Variants in MACROD2 observed in about 807,000 individuals in gnomAD.
The protein encoded by MACROD2 is ADP-ribose glycohydrolase MACROD2.
A neutral mutation model predicts 70.4 loss-of-function variants in MACROD2; 36 were observed. The ratio of observed to expected loss-of-function variants is 0.51; its 90% CI spans 0.39 to 0.68. The LOEUF is 0.68. Ranked by LOEUF, MACROD2 falls within the 30% of genes least tolerant of loss-of-function variation. MACROD2 has a pLI of 0.00. For missense variants in MACROD2, 496 were observed against 538.4 expected, an observed-to-expected ratio of 0.92 and a Z score of 0.78; for synonymous variants, 172 against 178.8, an observed-to-expected ratio of 0.96 and a Z score of 0.30.
chr20:15,617,461 A>G (rs903005889), intron 8 of MACROD2, among the ~76,000 whole-genome samples: 2 of 152,228 alleles, frequency 1.3e-5, no homozygotes, highest in African/African-American at 4.8e-5. Context: ...TCATCCAACA[A>G]TGGCTAATAG....
intron 8 of MACROD2, among the ~76,000 whole-genome samples, chr20:15,748,762 T>C (rs2051224051): frequency 6.6e-6 from 1 of 152,100 alleles, no homozygotes; most frequent in Non-Finnish European, 1.5e-5. Context: ...AGAAGTCTGA[T>C]CTGAATAAAT....
At chr20:14,607,881 G>T (rs1314050467) in intron 4 of MACROD2, among the ~76,000 whole-genome samples, 1 of 152,082 alleles carries the variant, frequency 6.6e-6, no homozygotes. Flanking sequence ...GACTGGAGAA[G>T]AAAACAAAAT....
At chr20:15,900,957 C>G (rs1006692211) in intron 10 of MACROD2, among the ~76,000 whole-genome samples, 3 of 152,190 alleles carry the variant, frequency 2.0e-5, no homozygotes, top group African/African-American at 7.2e-5. Flanking sequence ...ATTGAGTAGA[C>G]AGAAGAGCTG....
intron 5 of MACROD2, among the ~76,000 whole-genome samples, chr20:15,041,136 A>T (rs2075353135): frequency 1.3e-5 from 2 of 152,216 alleles, no homozygotes; most frequent in African/African-American, 4.8e-5. Flanking sequence ...GAAAATTTGA[A>T]TCTGCTAGTT....
chr20:14,875,787 G>T (rs1013113662), intron 5 of MACROD2, among the ~76,000 whole-genome samples: 1 of 152,036 alleles, frequency 6.6e-6, no homozygotes, highest in Non-Finnish European at 1.5e-5. Flanking sequence ...ACCTCTAGTT[G>T]CATCCATGTT....
At chr20:16,022,054 T>C (rs924260366) in intron 15 of MACROD2, among the ~76,000 whole-genome samples, 5 of 145,036 alleles carry the variant, frequency 3.4e-5, no homozygotes, top group African/African-American at 1.3e-4. Context: ...TTTCTTTTTT[T>C]TTTTTTTTTT....
chr20:14,698,511 T>C (rs1352101535), intron 5 of MACROD2, among the ~76,000 whole-genome samples: 1 of 152,114 alleles, frequency 6.6e-6, no homozygotes. Flanking sequence ...TTATCTAAAA[T>C]GTCACCTCTT....
chr20:14,916,882 T>C (rs1475418481), intron 5 of MACROD2, among the ~76,000 whole-genome samples: 4 of 152,088 alleles, frequency 2.6e-5, no homozygotes, highest in Non-Finnish European at 5.9e-5. Context: ...AATATATCTT[T>C]TTCATGGACC....
intron 6 of MACROD2, among the ~76,000 whole-genome samples, chr20:15,413,404 T>G (rs1166182344): frequency 4.6e-5 from 7 of 152,212 alleles, no homozygotes; most frequent in Non-Finnish European, 7.3e-5. Context: ...CCGAAGTTAT[T>G]GATTAGTAGC....
intron 3 of MACROD2, among the ~76,000 whole-genome samples, chr20:14,353,792 A>G (rs1403119609): frequency 6.6e-6 from 1 of 152,138 alleles, no homozygotes; most frequent in Non-Finnish European, 1.5e-5. Context: ...ACATTCTTTC[A>G]TGTTTCATTG....
chr20:14,492,027 A>G (rs1184614090), intron 3 of MACROD2, among the ~76,000 whole-genome samples: 3 of 152,182 alleles, frequency 2.0e-5, no homozygotes, highest in Non-Finnish European at 2.9e-5. Flanking sequence ...CTTTTCCACT[A>G]AAGGGTATGA....
chr20:14,234,914 T>A (rs920193039), intron 3 of MACROD2, among the ~76,000 whole-genome samples: 1 of 152,198 alleles, frequency 6.6e-6, no homozygotes, highest in Admixed American at 6.5e-5. Context: ...TATTTGCTAT[T>A]TTAGTGCATC....
chr20:15,863,767 A>G (rs2064456867), intron 9 of MACROD2, among the ~76,000 whole-genome samples: 2 of 152,214 alleles, frequency 1.3e-5, no homozygotes, highest in African/African-American at 4.8e-5. Context: ...GAGCCAAACA[A>G]TAAAGAGGAT....
At chr20:15,023,534 T>C (rs1325953163) in intron 5 of MACROD2, among the ~76,000 whole-genome samples, 1 of 152,124 alleles carries the variant, frequency 6.6e-6, no homozygotes, top group African/African-American at 2.4e-5. Flanking sequence ...TACTCAAGAC[T>C]GGGCAATTTA....
intron 5 of MACROD2, chr20:14,888,064 C>T (rs147749538): frequency 6.6e-6 from 1 of 152,138 alleles, no homozygotes; most frequent in East Asian, 1.9e-4. Flanking sequence ...CACAGGAGTA[C>T]TTTGGGATTA....
chr20:15,254,126 G>A (rs2077178463), intron 6 of MACROD2, among the ~76,000 whole-genome samples: 1 of 152,118 alleles, frequency 6.6e-6, no homozygotes, highest in Admixed American at 6.6e-5. Flanking sequence ...CAGGAAACGA[G>A]TTTATTAGTG....
intron 6 of MACROD2, among the ~76,000 whole-genome samples, chr20:15,275,948 G>A (rs1309056141): frequency 6.6e-6 from 1 of 152,282 alleles, no homozygotes; most frequent in African/African-American, 2.4e-5. Context: ...CAAATGCACA[G>A]AAACTTGTAG....
chr20:14,695,890 T>C (rs1215905709), intron 5 of MACROD2, among the ~76,000 whole-genome samples: 1 of 152,212 alleles, frequency 6.6e-6, no homozygotes, highest in East Asian at 1.9e-4. Flanking sequence ...TATGTTTTTT[T>C]AAGTGCAGGG....
intron 5 of MACROD2, among the ~76,000 whole-genome samples, chr20:15,038,369 T>C (rs1171741114): frequency 1.3e-5 from 2 of 152,214 alleles, no homozygotes; most frequent in African/African-American, 4.8e-5. Context: ...AAATGAGGTC[T>C]TCTGGTTGTA....
Sources: allele counts gnomAD v4.1 joint callset (sites outside exome capture counted in the v4.1 genomes callset), GRCh38; gene constraint gnomAD v4.1.1; transcripts MANE v1.5; gene names NCBI Gene and HGNC (gene_info 2026-07-23, HGNC 2026-07-21).